AFF4: variants seen among roughly 807,000 people sequenced by gnomAD.
AFF4 encodes the protein AF4/FMR2 family member 4.
AFF4 carries 13 observed loss-of-function variants against 124.8 expected under a neutral mutation model. The observed-to-expected ratio is 0.10, with a 90% CI of 0.07 to 0.17. AFF4 has a LOEUF of 0.17. Among genes scored for constraint, AFF4 ranks in the 10% least tolerant of loss-of-function variants. The pLI, the probability that AFF4 is intolerant of heterozygous loss-of-function variation, is 1.00. For synonymous variants in AFF4, 477 were observed against 496.1 expected (o/e 0.96, Z 0.51); for missense variants, 1,092 against 1,403.8 (o/e 0.78, Z 3.55).
intron 5 of AFF4, among the ~76,000 whole-genome samples, chr5:132,918,290 G>A (rs1760962360): frequency 6.6e-6 from 1 of 152,030 alleles, no homozygotes; most frequent in Admixed American, 6.6e-5. Context: ...CTACTTAGAA[G>A]GCTGAGGCTA....
intron 5 of AFF4, among the ~76,000 whole-genome samples, chr5:132,920,971 C>A (rs571574472): frequency 6.6e-6 from 1 of 151,850 alleles, no homozygotes; most frequent in Admixed American, 6.6e-5. Context: ...ACTAAAAATA[C>A]AAAAAATTAG....
At chr5:132,959,404 G>A (rs1168525260) in intron 1 of AFF4, among the ~76,000 whole-genome samples, 2 of 152,108 alleles carry the variant, frequency 1.3e-5, no homozygotes, top group Non-Finnish European at 2.9e-5. Context: ...ACAGGCATGA[G>A]CCACCGGGCC....
intron 20 of AFF4, among the ~76,000 whole-genome samples, chr5:132,882,778 C>T (rs752807607): frequency 6.7e-6 from 1 of 148,220 alleles, no homozygotes; most frequent in South Asian, 2.1e-4. Flanking sequence ...CACTTGAAAC[C>T]GGAAGGTGGA....
chr5:132,927,399 G>C (rs1251998463), intron 4 of AFF4, 192 bp from the exon 5 acceptor site: 10 of 476,004 alleles, frequency 2.1e-5, no homozygotes, highest in African/African-American at 2.1e-5. Context: ...ATTAATAAAT[G>C]CTCCCTGGCT....
rs181593220 is a variant in AFF4, at chr5:132,892,054, C to T, written c.2637+110G>A. The T allele has an allele frequency of 4.7e-6, 7 of 1,482,138 alleles. No homozygotes were observed. In the East Asian group the frequency reaches 1.6e-4, roughly 34 times the overall value. The allele number at this position is 1,482,138 out of a possible 1,614,324, so 91.8% of individuals were successfully genotyped here. A position where few individuals can be genotyped will look rare whatever the true frequency, so the allele number is the denominator to read the frequency against. Reference sequence around the variant, plus strand: ...ACATATAGAGGGTAAAAGACATAGGCCTATATATTTACTGAGATGTTACAA... The same window carrying T: ...ACATATAGAGGGTAAAAGACATAGGTCTATATATTTACTGAGATGTTACAA... On this transcript the variant is annotated intron_variant, in intron 13 of 20. Coordinates refer to ENST00000265343, the MANE Select transcript of AFF4 (RefSeq NM_014423.4).
At chr5:132,886,071 C>A (rs953362544) in intron 18 of AFF4, among the ~76,000 whole-genome samples, 1 of 152,074 alleles carries the variant, frequency 6.6e-6, no homozygotes, top group Non-Finnish European at 1.5e-5. Flanking sequence ...CGAACCCGGC[C>A]GAAAACAAAA....
At chr5:132,956,969 A>G (rs1035498065) in intron 1 of AFF4, among the ~76,000 whole-genome samples, 1 of 141,076 alleles carries the variant, frequency 7.1e-6, no homozygotes, top group African/African-American at 2.7e-5. Context: ...GTGGTGAGCC[A>G]AGATTGCACC....
intron 4 of AFF4, chr5:132,927,604 T>C (rs1443106819): frequency 2.3e-5 from 4 of 174,474 alleles, no homozygotes; most frequent in African/African-American, 9.6e-5. Flanking sequence ...CTAAGTGTTT[T>C]ACATGTTTAT....
chr5:132,908,627 C>T (rs1233171739), intron 5 of AFF4, among the ~76,000 whole-genome samples: 1 of 151,164 alleles, frequency 6.6e-6, no homozygotes, highest in Non-Finnish European at 1.5e-5. Flanking sequence ...CATATTAGAA[C>T]TGTGGTTTTT....
At chr5:132,937,326 T>C in intron 1 of AFF4, 133 bp from the exon 2 acceptor site, 2 of 1,120,300 alleles carry the variant, frequency 1.8e-6, no homozygotes, top group Non-Finnish European at 2.4e-6. Context: ...GCATTAGTGC[T>C]GAAGCTGGGT....
intron 10 of AFF4, 53 bp from the exon 11 acceptor site, chr5:132,897,293 T>A: frequency 1.3e-6 from 2 of 1,552,518 alleles, no homozygotes; most frequent in Non-Finnish European, 1.7e-6. Flanking sequence ...GCTTTTTTCG[T>A]TCTCCCTCCT....
chr5:132,928,284 A>C (rs1411709862), intron 4 of AFF4, among the ~76,000 whole-genome samples: 1 of 152,100 alleles, frequency 6.6e-6, no homozygotes, highest in African/African-American at 2.4e-5. Context: ...CCATGAAGAA[A>C]GGCTTCTCAT....
intron 5 of AFF4, among the ~76,000 whole-genome samples, chr5:132,925,801 G>T (rs994913181): frequency 8.5e-5 from 13 of 152,194 alleles, no homozygotes; most frequent in Non-Finnish European, 1.5e-4. Flanking sequence ...GGGAATACTG[G>T]CTGGTACAAA....
intron 3 of AFF4, among the ~76,000 whole-genome samples, chr5:132,933,419 T>G (rs376531959): frequency 6.0e-5 from 9 of 149,724 alleles, no homozygotes; most frequent in Non-Finnish European, 7.4e-5. Context: ...AAGAGAGAGA[T>G]AAAATTTGGG....
chr5:132,952,784 C>A (rs1021656045), intron 1 of AFF4, among the ~76,000 whole-genome samples: 3 of 152,010 alleles, frequency 2.0e-5, no homozygotes, highest in African/African-American at 7.2e-5. Context: ...TGTAATTCCA[C>A]CTACTCGAGA....
At chr5:132,946,950 G>A (rs1185436325) in intron 1 of AFF4, among the ~76,000 whole-genome samples, 3 of 152,110 alleles carry the variant, frequency 2.0e-5, no homozygotes, top group African/African-American at 4.8e-5. Context: ...CCAGCTACTT[G>A]GGAGGTGGAG....
Position 132,876,105 on chromosome 5 carries a change from T to G in AFF4, c.*4954A>C, listed in dbSNP as rs1759832135. 4.3e-6 allele frequency: 1 copy of G among 229,948 alleles called. No individual in the cohort carries two copies. Among genetic ancestry groups the G allele is most frequent in the African/African-American group, 2.2e-5 (1 of 45,128 alleles). The allele number at this position is 229,948 out of a possible 1,614,324, so 14.2% of individuals were successfully genotyped here. ...TTCAAAACGGAGGCTAGATAGAAAT[T>G]TTCATAACTGTGCTTACCAACCCCA... is the stretch of plus-strand genomic sequence containing the variant. On this transcript the variant is annotated 3_prime_UTR_variant, in exon 21 of 21. Coordinates refer to ENST00000265343, the MANE Select transcript of AFF4 (RefSeq NM_014423.4).
chr5:132,925,212 C>G (rs1332037804), intron 5 of AFF4, among the ~76,000 whole-genome samples: 2 of 148,146 alleles, frequency 1.4e-5, no homozygotes, highest in Admixed American at 1.3e-4. Context: ...TAAATAAATA[C>G]CGGTGCATTT....
chr5:132,942,573 T>C (rs908046790), intron 1 of AFF4, among the ~76,000 whole-genome samples: 6 of 151,434 alleles, frequency 4.0e-5, no homozygotes, highest in African/African-American at 1.5e-4. Context: ...CAAGTGATTC[T>C]CCTACCTCAA....
Sources: allele counts gnomAD v4.1 joint callset (sites outside exome capture counted in the v4.1 genomes callset), GRCh38; gene constraint gnomAD v4.1.1; transcripts MANE v1.5; gene names NCBI Gene and HGNC (gene_info 2026-07-23, HGNC 2026-07-21).